The following MICU1 variants were observed in gnomAD, a reference collection of about 807,000 sequenced individuals.
MICU1 encodes mitochondrial calcium uptake 1.
Under a neutral mutation model 56.8 loss-of-function variants are expected in MICU1, and 45 were observed. That is an observed-to-expected ratio of 0.79 (90% confidence interval 0.62 to 1.02). The LOEUF is 1.02. MICU1 is among the 50% of genes least tolerant of loss of function. MICU1 has a pLI of 0.00. For synonymous variants in MICU1, 186 were observed against 195.1 expected, an observed-to-expected ratio of 0.95 and a Z score of 0.39; for missense variants, 504 against 587.1, an observed-to-expected ratio of 0.86 and a Z score of 1.46.
At chr10:72,410,864 T>G (rs950337070) in intron 9 of MICU1, among the ~76,000 whole-genome samples, 3 of 152,184 alleles carry the variant, frequency 2.0e-5, no homozygotes, top group Non-Finnish European at 4.4e-5. Flanking sequence ...CCCATAGGAT[T>G]AGAAGTACAG....
At chr10:72,437,736 G>A (rs940773504) in intron 8 of MICU1, among the ~76,000 whole-genome samples, 14 of 152,162 alleles carry the variant, frequency 9.2e-5, no homozygotes, top group Non-Finnish European at 4.4e-5. Context: ...AAAAAAAGCA[G>A]TGGTTGCAAC....
At chr10:72,600,832 T>TG (rs1019563330) in intron 1 of MICU1, among the ~76,000 whole-genome samples, 1 of 152,186 alleles carries the variant, frequency 6.6e-6, no homozygotes, top group Non-Finnish European at 1.5e-5. Flanking sequence ...CAGTACTATC[T>TG]GCTGTTTCAG....
chr10:72,385,509 CAAAA>C (rs900994146), intron 10 of MICU1, among the ~76,000 whole-genome samples: 1 of 151,842 alleles, frequency 6.6e-6, no homozygotes, highest in African/African-American at 2.4e-5. Context: ...ACCAAACAAA[CAAAA>C]AACCAAAAAA....
intron 10 of MICU1, among the ~76,000 whole-genome samples, chr10:72,391,108 A>G (rs1187003830): frequency 6.6e-6 from 1 of 152,046 alleles, no homozygotes; most frequent in African/African-American, 2.4e-5. Context: ...TAGGTTCCAC[A>G]CCCATGGATT....
At chr10:72,623,886 C>T (rs1420712773) in intron 1 of MICU1, among the ~76,000 whole-genome samples, 2 of 109,308 alleles carry the variant, frequency 1.8e-5, no homozygotes, top group Non-Finnish European at 4.4e-5. Flanking sequence ...TGAACCCCAT[C>T]TCCATTTAAT....
chr10:72,370,880 A>T (rs574837903), intron 11 of MICU1, among the ~76,000 whole-genome samples: 221 of 152,010 alleles, frequency 1.5e-3, no homozygotes, highest in African/African-American at 5.1e-3. Flanking sequence ...AAATACAAAA[A>T]ATTAGCTGGG....
At chr10:72,468,173 G>C (rs1589250963) in intron 8 of MICU1, among the ~76,000 whole-genome samples, 1 of 152,186 alleles carries the variant, frequency 6.6e-6, no homozygotes, top group East Asian at 1.9e-4. Context: ...CTAAGCACGT[G>C]AATCCCAGCT....
intron 8 of MICU1, among the ~76,000 whole-genome samples, chr10:72,459,485 G>GT (rs955522634): frequency 1.3e-5 from 2 of 152,084 alleles, no homozygotes; most frequent in Non-Finnish European, 2.9e-5. Context: ...GCAGTTTCCT[G>GT]TTTTTTTACC....
At chr10:72,498,886 C>T (rs1219273194) in intron 6 of MICU1, among the ~76,000 whole-genome samples, 1 of 152,184 alleles carries the variant, frequency 6.6e-6, no homozygotes, top group African/African-American at 2.4e-5. Context: ...ATACTCCTTT[C>T]TTTTTAGAGC....
chr10:72,438,773 T>A (rs1218706433), intron 8 of MICU1, among the ~76,000 whole-genome samples: 1 of 152,056 alleles, frequency 6.6e-6, no homozygotes, highest in Non-Finnish European at 1.5e-5. Context: ...TATAAACACC[T>A]CTACACAAAT....
Position 72,408,042 on chromosome 10 carries a change from A to C in MICU1, c.1072-5T>G. The stretch of plus-strand genomic sequence containing the variant: ...CACCTCCTGAAATGTCAGACCCTGC[A>C]AGAGGAGAGACAGCAAGGTAAGGCA... On this transcript the variant is annotated splice_region_variant and splice_polypyrimidine_tract_variant and intron_variant, in intron 9 of 11. Coordinates refer to ENST00000361114, the MANE Select transcript of MICU1 (RefSeq NM_001195518.2). The C allele has an allele frequency of 3.1e-6, 5 of 1,601,716 alleles. No homozygotes were observed. The highest frequency in any genetic ancestry group is 4.3e-6 in the Non-Finnish European group (5 of 1,169,634).
At chr10:72,531,812 A>C (rs933460190) in intron 5 of MICU1, 1 of 152,154 alleles carries the variant, frequency 6.6e-6, no homozygotes, top group Middle Eastern at 3.2e-3. Flanking sequence ...GACTTCATAC[A>C]TAACAAAAAA....
At chr10:72,470,058 G>A (rs1474250978) in intron 8 of MICU1, among the ~76,000 whole-genome samples, 4 of 152,146 alleles carry the variant, frequency 2.6e-5, no homozygotes, top group African/African-American at 9.7e-5. Context: ...AGGAATTTTG[G>A]AATTTTGATG....
intron 8 of MICU1, among the ~76,000 whole-genome samples, chr10:72,456,568 CTA>C (rs1438010731): frequency 2.0e-5 from 3 of 152,162 alleles, no homozygotes; most frequent in African/African-American, 7.2e-5. Context: ...TTTTAGACGA[CTA>C]AAATCTCATG....
Position 72,577,261 on chromosome 10 carries a change from G to A in MICU1, c.-1-10467C>T, listed in dbSNP as rs531411883. Among the ~76,000 whole-genome samples, 3 of 152,224 alleles carry A rather than the reference G, an allele frequency of 2.0e-5. No individual in the cohort carries two copies. The South Asian group carries it at 6.2e-4, about 32-fold the overall frequency. On this transcript the variant is annotated intron_variant, in intron 1 of 11. Coordinates refer to ENST00000361114, the MANE Select transcript of MICU1 (RefSeq NM_001195518.2). ...ATGGTGGCTCATGTCTGTAATCCCA[G>A]CACTTTGGGAGGCCGAGGCAGGCAG...
At chr10:72,453,082 G>A (rs1865348491) in intron 8 of MICU1, among the ~76,000 whole-genome samples, 1 of 152,130 alleles carries the variant, frequency 6.6e-6, no homozygotes, top group Non-Finnish European at 1.5e-5. Flanking sequence ...ATTAGCTTTA[G>A]GGAATAAATG....
chr10:72,441,405 G>C (rs530034773), intron 8 of MICU1, among the ~76,000 whole-genome samples: 4 of 151,516 alleles, frequency 2.6e-5, no homozygotes, highest in East Asian at 2.0e-4. Flanking sequence ...GGGCCTGTTG[G>C]GGGGTGGGGG....
At chr10:72,470,428 C>T (rs1865916888) in intron 8 of MICU1, among the ~76,000 whole-genome samples, 2 of 152,140 alleles carry the variant, frequency 1.3e-5, no homozygotes, top group Non-Finnish European at 1.5e-5. Flanking sequence ...GTTTATTTGG[C>T]TCATGGTTTT....
At chr10:72,578,994 C>A (rs1161219086) in intron 1 of MICU1, among the ~76,000 whole-genome samples, 1 of 152,122 alleles carries the variant, frequency 6.6e-6, no homozygotes, top group Non-Finnish European at 1.5e-5. Context: ...CCAAAAAATT[C>A]ATATGACTTG....
Sources: gnomAD v4.1 joint callset for allele counts (sites outside exome capture counted in the v4.1 genomes callset) on GRCh38, gnomAD v4.1.1 for gene constraint, MANE v1.5 for transcripts, NCBI Gene and HGNC (gene_info 2026-07-23, HGNC 2026-07-21) for gene names.